LAMA2: variants seen among roughly 807,000 people sequenced by gnomAD.
LAMA2 encodes the protein laminin subunit alpha-2.
Under a neutral mutation model 364.8 loss-of-function variants are expected in LAMA2, and 269 were observed. The ratio of observed to expected loss-of-function variants is 0.74; its 90% CI spans 0.67 to 0.82. The LOEUF (loss-of-function observed/expected upper bound fraction) is 0.82, where lower values mean the gene tolerates loss of function less well. LAMA2 is among the 40% of genes least tolerant of loss of function. The pLI is 0.00. For synonymous variants in LAMA2, 1,379 were observed against 1,370.6 expected (o/e 1.01, Z -0.14); for missense variants, 3,807 against 3,873.2 (o/e 0.98, Z 0.45).
chr6:128,987,604 C>T (rs1384226007), intron 1 of LAMA2, among the ~76,000 whole-genome samples: 1 of 152,098 alleles, frequency 6.6e-6, no homozygotes, highest in Non-Finnish European at 1.5e-5. Flanking sequence ...AATTATATTG[C>T]CAAACTTTAT....
intron 22 of LAMA2, among the ~76,000 whole-genome samples, chr6:129,301,752 A>G (rs974434478): frequency 6.6e-6 from 1 of 152,144 alleles, no homozygotes; most frequent in African/African-American, 2.4e-5. Flanking sequence ...ATTTTAACCA[A>G]TGATTACAGT....
At chr6:129,369,806 C>A (rs971867888) in intron 33 of LAMA2, 86 bp from the exon 34 acceptor site, 18 of 1,174,454 alleles carry the variant, frequency 1.5e-5, no homozygotes, top group Non-Finnish European at 1.9e-5. Flanking sequence ...GGCTAAGTTC[C>A]TTTTATATAC....
rs142044653 is a variant in LAMA2, at chr6:128,911,289, A to T, written c.112+27932A>T. On this transcript the variant is annotated intron_variant, in intron 1 of 64. Coordinates refer to ENST00000421865, the MANE Select transcript of LAMA2 (RefSeq NM_000426.4). ...GACTGCTGTGCTAGCAATCAGTGAG[A>T]CTCCGTGGGCGTAGTACCTTCCCAG... Among the ~76,000 whole-genome samples the T allele has an allele frequency of 3.1e-3, 463 of 151,198 alleles. 2 individuals carry two copies. Among genetic ancestry groups the T allele is most frequent in the African/African-American group, 0.011 (442 of 41,138 alleles).
chr6:129,274,143 CATTTAAAACAAT>C (rs1788133685), intron 17 of LAMA2, among the ~76,000 whole-genome samples: 6 of 150,218 alleles, frequency 4.0e-5, no homozygotes, highest in Admixed American at 2.7e-4. Context: ...AACAATTTTA[CATTTAAAACAAT>C]TTTACATTTA....
intron 1 of LAMA2, among the ~76,000 whole-genome samples, chr6:128,968,823 C>A (rs751380933): frequency 2.0e-5 from 3 of 151,412 alleles, no homozygotes; most frequent in Non-Finnish European, 2.9e-5. Context: ...GGACCTTGTA[C>A]ATGTAGGAGT....
chr6:129,301,610 A>G (rs1003511230), intron 22 of LAMA2, among the ~76,000 whole-genome samples: 7 of 152,144 alleles, frequency 4.6e-5, no homozygotes, highest in African/African-American at 1.4e-4. Context: ...GTAGATGATA[A>G]TAAGTACCAT....
At chr6:129,482,619 A>G (rs1319567729) in intron 55 of LAMA2, among the ~76,000 whole-genome samples, 1 of 152,216 alleles carries the variant, frequency 6.6e-6, no homozygotes, top group African/African-American at 2.4e-5. Flanking sequence ...TGTAACATTT[A>G]GTGATCAATC....
At chr6:129,401,668 A>AT (rs1779980963) in intron 38 of LAMA2, among the ~76,000 whole-genome samples, 1 of 152,250 alleles carries the variant, frequency 6.6e-6, no homozygotes, top group African/African-American at 2.4e-5. Flanking sequence ...AGACAAATGT[A>AT]AATTTACAAA....
At chr6:129,253,636 G>T (rs1244421871) in intron 14 of LAMA2, among the ~76,000 whole-genome samples, 5 of 152,176 alleles carry the variant, frequency 3.3e-5, no homozygotes, top group Non-Finnish European at 5.9e-5. Flanking sequence ...ACAGTACAAA[G>T]AAATGAGTCC....
At chr6:129,380,970 C>G (rs902030962) in intron 34 of LAMA2, among the ~76,000 whole-genome samples, 2 of 152,004 alleles carry the variant, frequency 1.3e-5, no homozygotes, top group African/African-American at 4.8e-5. Context: ...CTTGATCATC[C>G]AGAATTTAAA....
intron 4 of LAMA2, among the ~76,000 whole-genome samples, chr6:129,132,382 G>A (rs948234725): frequency 1.3e-5 from 2 of 152,064 alleles, no homozygotes; most frequent in African/African-American, 2.4e-5. Flanking sequence ...TAGCCAGGAT[G>A]GTCTCGATCT....
chr6:129,392,079 G>T (rs1270824593), intron 36 of LAMA2, among the ~76,000 whole-genome samples: 1 of 152,026 alleles, frequency 6.6e-6, no homozygotes, highest in Admixed American at 6.6e-5. Context: ...TCATATATTG[G>T]CCAACCTATA....
rs116419198 is a variant in LAMA2 at position 129,034,722 on chromosome 6, A to G, written c.113-15196A>G. Among the ~76,000 whole-genome samples the G allele has an allele frequency of 2.1e-3, 313 of 152,160 alleles. 1 individual carries two copies. The highest frequency in any genetic ancestry group is 7.2e-3 in the African/African-American group (301 of 41,534). On this transcript the variant is annotated intron_variant, in intron 1 of 64. Transcript: ENST00000421865. ...GCTCCCACTTAGAAGTGAAAATGTC[A>G]TATTCAATTTTCTGCTTCTGAGTTA...
intron 3 of LAMA2, among the ~76,000 whole-genome samples, chr6:129,088,790 C>T (rs529126557): frequency 3.9e-5 from 6 of 151,900 alleles, no homozygotes; most frequent in Admixed American, 6.5e-5. Flanking sequence ...ACTTCCTAGA[C>T]GGGATGGCGG....
intron 4 of LAMA2, among the ~76,000 whole-genome samples, chr6:129,137,680 T>C (rs1031576818): frequency 7.9e-5 from 12 of 152,040 alleles, no homozygotes; most frequent in African/African-American, 2.7e-4. Context: ...AATGCACAAA[T>C]TGTAAATGTT....
intron 1 of LAMA2, among the ~76,000 whole-genome samples, chr6:129,018,550 C>T (rs576953387): frequency 3.4e-4 from 50 of 148,506 alleles, no homozygotes; most frequent in African/African-American, 1.2e-3. Flanking sequence ...AAAAAAAAAG[C>T]GAAGTATTTA....
intron 1 of LAMA2, among the ~76,000 whole-genome samples, chr6:129,031,453 A>G (rs1447713550): frequency 6.6e-6 from 1 of 152,200 alleles, no homozygotes; most frequent in African/African-American, 2.4e-5. Flanking sequence ...TCAAACTCCT[A>G]ATTTATCAAC....
chr6:129,509,837 G>T (rs1389158391), intron 62 of LAMA2, among the ~76,000 whole-genome samples: 1 of 151,966 alleles, frequency 6.6e-6, no homozygotes, highest in African/African-American at 2.4e-5. Flanking sequence ...GGCTATTCTG[G>T]GTTTCATATG....
At chr6:129,159,256 C>T in intron 8 of LAMA2, 1 of 772,332 alleles carries the variant, frequency 1.3e-6, no homozygotes, top group Non-Finnish European at 2.3e-6. Flanking sequence ...TCAACTCCCA[C>T]TGCTTTCTTA....
Sources: gnomAD v4.1 joint callset for allele counts (sites outside exome capture counted in the v4.1 genomes callset) on GRCh38, gnomAD v4.1.1 for gene constraint, MANE v1.5 for transcripts, NCBI Gene and HGNC (gene_info 2026-07-23, HGNC 2026-07-21) for gene names.